ROR2: variants seen among roughly 807,000 people sequenced by gnomAD.
The protein encoded by ROR2 is ROR family WNT receptor 2.
ROR2 carries 33 observed loss-of-function variants against 74.9 expected under a neutral mutation model. The ratio of observed to expected loss-of-function variants is 0.44; its 90% CI spans 0.33 to 0.59. The LOEUF is 0.59. ROR2 is among the 20% of genes least tolerant of loss of function. The pLI, the probability that ROR2 is intolerant of heterozygous loss-of-function variation, is 0.02. For missense variants in ROR2, 1,216 were observed against 1,313.8 expected (o/e 0.93, Z 1.15); for synonymous variants, 586 against 558.7 (o/e 1.05, Z -0.69).
chr9:91,872,877 A>G (rs1397905727), intron 1 of ROR2, among the ~76,000 whole-genome samples: 1 of 152,200 alleles, frequency 6.6e-6, no homozygotes, highest in Non-Finnish European at 1.5e-5. Flanking sequence ...TTTTGCATCA[A>G]TCTATGGAAC....
At chr9:91,811,050 CCT>C (rs1445159739) in intron 1 of ROR2, among the ~76,000 whole-genome samples, 1 of 152,378 alleles carries the variant, frequency 6.6e-6, no homozygotes, top group East Asian at 1.9e-4. Flanking sequence ...GGGAATTCCC[CCT>C]CTCTTCGGCC....
intron 1 of ROR2, among the ~76,000 whole-genome samples, chr9:91,829,678 A>C (rs1828401858): frequency 6.6e-6 from 1 of 152,136 alleles, no homozygotes; most frequent in African/African-American, 2.4e-5. Flanking sequence ...AGCAGGGAGC[A>C]ATGAAATGAA....
intron 4 of ROR2, among the ~76,000 whole-genome samples, chr9:91,746,915 T>C (rs2118789549): frequency 6.6e-6 from 1 of 151,890 alleles, no homozygotes; most frequent in Middle Eastern, 3.4e-3. Context: ...CACACACCTG[T>C]GGGCCATGGG....
Position 91,733,453 on chromosome 9 carries a change from A to T in ROR2, c.623-17T>A. 6.2e-7 allele frequency: 1 copy of T among 1,606,462 alleles called. No homozygotes were observed. The highest frequency in any genetic ancestry group is 8.5e-7 in the Non-Finnish European group (1 of 1,178,218). ...TGAAGGCCGCTGCAGAGCCCGCGAG[A>T]CTCGCGTTAGCGGGGGACCCACCTT... On this transcript the variant is annotated splice_polypyrimidine_tract_variant and intron_variant, in intron 5 of 8. Coordinates refer to ENST00000375708, the MANE Select transcript of ROR2 (RefSeq NM_004560.4). The surrounding 1 kb of genome is among the most constrained non-coding windows in gnomAD (Gnocchi z 5.7).
chr9:91,857,761 C>T (rs923296103), intron 1 of ROR2, among the ~76,000 whole-genome samples: 1 of 152,200 alleles, frequency 6.6e-6, no homozygotes, highest in Non-Finnish European at 1.5e-5. Flanking sequence ...CGATCAATCT[C>T]CCTGGGAGGG....
At chr9:91,925,466 A>ATGTGTG (rs35012954) in intron 1 of ROR2, among the ~76,000 whole-genome samples, 1,454 of 144,592 alleles carry the variant, frequency 0.01, 25 homozygotes, top group African/African-American at 0.031. Flanking sequence ...AGCTGCCTGT[A>ATGTGTG]TGTGTGTGTG....
chr9:91,867,721 T>C (rs747947684), intron 1 of ROR2, among the ~76,000 whole-genome samples: 12 of 147,388 alleles, frequency 8.1e-5, no homozygotes, highest in Non-Finnish European at 1.5e-4. Context: ...TAAGCAGATG[T>C]TGAGAACAGA....
At chr9:91,726,141 T>C (rs1837022060) in intron 8 of ROR2, among the ~76,000 whole-genome samples, 1 of 152,106 alleles carries the variant, frequency 6.6e-6, no homozygotes, top group Non-Finnish European at 1.5e-5. Flanking sequence ...CTCCTATCCT[T>C]CCCTGTAAAC....
At chr9:91,924,192 A>G (rs1831339149) in intron 1 of ROR2, among the ~76,000 whole-genome samples, 1 of 152,224 alleles carries the variant, frequency 6.6e-6, no homozygotes, top group South Asian at 2.1e-4. Flanking sequence ...CCTCCATGGT[A>G]GGTGATCCCT....
At chr9:91,946,283 G>A (rs1832011897) in intron 1 of ROR2, among the ~76,000 whole-genome samples, 3 of 152,256 alleles carry the variant, frequency 2.0e-5, no homozygotes, top group Admixed American at 6.5e-5. Flanking sequence ...TGGTCACCAC[G>A]GGGCTCCCAA....
chr9:91,880,525 T>C (rs771220788), intron 1 of ROR2, among the ~76,000 whole-genome samples: 21 of 152,146 alleles, frequency 1.4e-4, no homozygotes, highest in Non-Finnish European at 2.8e-4. Flanking sequence ...CCTGATGAGG[T>C]TGACGGTTTC....
intron 1 of ROR2, among the ~76,000 whole-genome samples, chr9:91,842,932 C>T (rs112605967): frequency 2.2e-4 from 33 of 152,376 alleles, no homozygotes; most frequent in African/African-American, 7.2e-4. Flanking sequence ...AACACAGATG[C>T]TCCCAATTGA....
chr9:91,842,366 CCTT>C (rs1353105517), intron 1 of ROR2, among the ~76,000 whole-genome samples: 3 of 152,214 alleles, frequency 2.0e-5, no homozygotes, highest in Admixed American at 1.3e-4. Flanking sequence ...TGTGTTATCT[CCTT>C]TAATCCTCAC....
intron 1 of ROR2, among the ~76,000 whole-genome samples, chr9:91,848,595 A>T (rs534819783): frequency 3.1e-4 from 47 of 152,172 alleles, no homozygotes; most frequent in African/African-American, 1.1e-3. Context: ...ACACTACTAA[A>T]AATACAAAAT....
At chr9:91,823,610 T>C (rs1215638961) in intron 1 of ROR2, among the ~76,000 whole-genome samples, 1 of 152,120 alleles carries the variant, frequency 6.6e-6, no homozygotes, top group Non-Finnish European at 1.5e-5. Context: ...TTATAAAATA[T>C]GGATTTAAGG....
intron 2 of ROR2, among the ~76,000 whole-genome samples, chr9:91,772,956 T>A (rs79407497): frequency 6.6e-6 from 1 of 152,374 alleles, no homozygotes; most frequent in Non-Finnish European, 1.5e-5. Context: ...ATCCAGGGAA[T>A]AAAATTTTCT....
chr9:91,921,483 G>C (rs1244626980), intron 1 of ROR2, among the ~76,000 whole-genome samples: 1 of 152,226 alleles, frequency 6.6e-6, no homozygotes, highest in Non-Finnish European at 1.5e-5. Context: ...AAGAGCCTGT[G>C]CTTAATTGCA....
At chr9:91,799,487 G>C (rs1282881991) in intron 1 of ROR2, among the ~76,000 whole-genome samples, 1 of 152,172 alleles carries the variant, frequency 6.6e-6, no homozygotes, top group Non-Finnish European at 1.5e-5. Context: ...AGCTATAACG[G>C]AGTCCAGCCA....
chr9:91,909,280 A>C (rs1830893477), intron 1 of ROR2, among the ~76,000 whole-genome samples: 1 of 151,994 alleles, frequency 6.6e-6, no homozygotes, highest in Non-Finnish European at 1.5e-5. Context: ...TTCTTATTGG[A>C]AAGAGGAGCT....
Sources: gnomAD v4.1 joint callset for allele counts (sites outside exome capture counted in the v4.1 genomes callset) on GRCh38, gnomAD v4.1.1 for gene constraint, Gnocchi (gnomAD v3.1) non-coding constraint, MANE v1.5 for transcripts, NCBI Gene and HGNC (gene_info 2026-07-23, HGNC 2026-07-21) for gene names.